The following GPAT4 variants were observed in gnomAD, a reference collection of about 807,000 sequenced individuals.
GPAT4 encodes the protein glycerol-3-phosphate acyltransferase 4.
GPAT4 carries 17 observed loss-of-function variants against 58.0 expected under a neutral mutation model. The ratio of observed to expected loss-of-function variants is 0.29; its 90% confidence interval spans 0.20 to 0.44. GPAT4 has a LOEUF of 0.44. GPAT4 is among the 20% of genes least tolerant of loss of function. The probability of loss-of-function intolerance (pLI) is 1.00; values close to 1 mark genes in which losing one functional copy is unlikely to be tolerated. For synonymous variants in GPAT4, 204 were observed against 210.1 expected (o/e 0.97, Z 0.25); for missense variants, 377 against 574.5 (o/e 0.66, Z 3.51).
At chr8:41,595,144 AGAATTG>A (rs1020681032) in intron 1 of GPAT4, among the ~76,000 whole-genome samples, 2 of 149,720 alleles carry the variant, frequency 1.3e-5, no homozygotes, top group African/African-American at 4.9e-5. Context: ...AAATTAACTT[AGAATTG>A]GTATAGTTTT....
chr8:41,613,985 C>T (rs2150504355), intron 8 of GPAT4, among the ~76,000 whole-genome samples: 1 of 152,354 alleles, frequency 6.6e-6, no homozygotes, highest in East Asian at 1.9e-4. Context: ...TCCCCTAACT[C>T]CCTTTGCTAC....
At chr8:41,611,758 A>G (rs1190523780) in intron 5 of GPAT4, 145 bp from the exon 6 acceptor site, 4 of 647,302 alleles carry the variant, frequency 6.2e-6, no homozygotes, top group Admixed American at 5.4e-5. Flanking sequence ...AAAGGTGCTC[A>G]TGCATCACAG....
chr8:41,590,666 C>A (rs191631133), intron 1 of GPAT4, among the ~76,000 whole-genome samples: 33 of 152,274 alleles, frequency 2.2e-4, no homozygotes, highest in Non-Finnish European at 5.9e-5. Flanking sequence ...TGTTAGCAAT[C>A]GCAGTGACAG....
In GPAT4 at chr8:41,611,931, C is replaced by T; in HGVS notation, c.640C>T (p.His214Tyr). 1 of 1,614,164 alleles carries T rather than the reference C, an allele frequency of 6.2e-7. No individual in the cohort carries two copies. The highest frequency in any genetic ancestry group is 2.2e-5 in the East Asian group (1 of 44,890). ...TAAGGAGTTCATGAGTAAACATGTT[C>T]ACTTAATGTGTTACCGGATCTGCGT... The part of the protein sequence containing the change: ...RFKEFMSKHV[H>Y]LMCYRICVRA... The change falls in exon 6 of 13, where the codon CAC (histidine) becomes TAC (tyrosine). Residue 214 changes from histidine to tyrosine, a missense_variant. Physicochemically the swap from His to Tyr is moderately conservative, Grantham distance 83. Coordinates refer to ENST00000396987, the MANE Select transcript of GPAT4 (RefSeq NM_178819.4).
rs148512587 is a variant in GPAT4, at chr8:41,593,011, C to G, written c.-848-5281C>G. On this transcript the variant is annotated intron_variant, in intron 1 of 12. Transcript: ENST00000396987. ...AGACTAGTATCCACATTCATTTCCA[C>G]ACAGTCCTAATTCATAACAAATATA... is the stretch of plus-strand genomic sequence containing the variant. Among the ~76,000 whole-genome samples, 153 of 152,314 alleles carry G rather than the reference C, an allele frequency of 1.0e-3. 2 individuals carry two copies. The highest frequency in any genetic ancestry group is 3.3e-3 in the African/African-American group (138 of 41,562).
Position 41,621,080 on chromosome 8 carries a change from G to A in GPAT4, c.*79G>A. On this transcript the variant is annotated 3_prime_UTR_variant, in exon 13 of 13. Coordinates refer to ENST00000396987, the MANE Select transcript of GPAT4 (RefSeq NM_178819.4). ...TGGAGTTGCCGCCGCCGCCCCCACTGCTGTGTCCTTTCCAGACTCCAGGGC... is the reference window on the plus strand; with the variant it reads ...TGGAGTTGCCGCCGCCGCCCCCACTACTGTGTCCTTTCCAGACTCCAGGGC... The A allele has an allele frequency of 6.5e-7, 1 of 1,530,750 alleles. No homozygotes were observed. The allele number at this position is 1,530,750 out of a possible 1,614,324, so 94.8% of individuals were successfully genotyped here.
chr8:41,602,524 CCCTCTG>C (rs1803132932), intron 2 of GPAT4, among the ~76,000 whole-genome samples: 1 of 151,962 alleles, frequency 6.6e-6, no homozygotes, highest in Non-Finnish European at 1.5e-5. Context: ...TCTTTTTTCA[CCCTCTG>C]TTACTGCTCT....
At position 41,599,020 on chromosome 8, in the gene GPAT4, G is replaced by A. The variant is rs1011697621; in HGVS notation, c.-120G>A. Reference sequence around the variant, plus strand: ...TTGAAGGGTGTGGACTTTGGAATGGGGTTTGCTGTTCTTCGGGAACTTGCT... The same window carrying A: ...TTGAAGGGTGTGGACTTTGGAATGGAGTTTGCTGTTCTTCGGGAACTTGCT... On this transcript the variant is annotated 5_prime_UTR_variant, in exon 2 of 13. Transcript: ENST00000396987. 17 of 1,320,144 alleles carry A rather than the reference G, an allele frequency of 1.3e-5. No homozygotes were observed. Among genetic ancestry groups the A allele is most frequent in the Middle Eastern group, 2.7e-4 (1 of 3,656 alleles). 81.8% of individuals were successfully genotyped at this position (1,320,144 alleles called of 1,614,324 possible).
intron 8 of GPAT4, 63 bp downstream of exon 8, chr8:41,613,023 G>T: frequency 4.2e-6 from 6 of 1,418,524 alleles, no homozygotes; most frequent in Non-Finnish European, 5.9e-6. Context: ...TTTCAGGGTA[G>T]TTATCCCTCC....
chr8:41,583,047 AC>A (rs1043475545), intron 1 of GPAT4, among the ~76,000 whole-genome samples: 1 of 151,558 alleles, frequency 6.6e-6, no homozygotes, highest in Admixed American at 6.6e-5. Flanking sequence ...ACATGATGAA[AC>A]CCCTTCTCCA....
At chr8:41,588,135 A>T (rs1404177125) in intron 1 of GPAT4, among the ~76,000 whole-genome samples, 1 of 152,232 alleles carries the variant, frequency 6.6e-6, no homozygotes, top group East Asian at 1.9e-4. Flanking sequence ...TCTGATTCTA[A>T]TGAAATGATA....
rs1276633773 is a variant in GPAT4 at position 41,614,425 on chromosome 8, C to T, written c.951C>T (p.Ile317=). 11 of 1,614,000 alleles carry T rather than the reference C, an allele frequency of 6.8e-6. No homozygotes were observed. Among genetic ancestry groups the T allele is most frequent in the Non-Finnish European group, 6.8e-6 (8 of 1,180,022 alleles). ...EHVQDKSKLP[I]LIFPEGTCIN... ...TGCAAGATAAAAGCAAGCTGCCTAT[C>T]CTCATCTTCCCAGAAGGTAAGAAGG... Residue 317 remains isoleucine (I), a synonymous_variant, in exon 9 of 13, where the codon ATC becomes ATT. Transcript: ENST00000396987.
intron 1 of GPAT4, among the ~76,000 whole-genome samples, chr8:41,591,794 A>G (rs1218009223): frequency 6.6e-6 from 1 of 152,204 alleles, no homozygotes; most frequent in Non-Finnish European, 1.5e-5. Context: ...CTGGCCCTTG[A>G]TCATCTATGT....
At chr8:41,591,398 A>C (rs894662909) in intron 1 of GPAT4, among the ~76,000 whole-genome samples, 10 of 152,174 alleles carry the variant, frequency 6.6e-5, no homozygotes, top group African/African-American at 2.4e-4. Flanking sequence ...TCCTCCCTTA[A>C]AACATTGCGC....
At chr8:41,582,428 ATAGGGTGGGAAAGT>A (rs1802540570) in intron 1 of GPAT4, among the ~76,000 whole-genome samples, 1 of 148,066 alleles carries the variant, frequency 6.8e-6, no homozygotes, top group African/African-American at 2.5e-5. Context: ...CCTTGGAGAA[ATAGGGTGGGAAAGT>A]ATACACACAC....
Position 41,609,422 on chromosome 8 carries a change from A to G in GPAT4, c.172A>G (p.Thr58Ala). The change falls in exon 3 of 13, where the codon ACC becomes GCC. Residue 58 changes from threonine to alanine, a missense_variant. Coordinates refer to ENST00000396987, the MANE Select transcript of GPAT4 (RefSeq NM_178819.4). Reference protein sequence around the residue: ...KSLLKIFAWATLRMERGAKEK... With the variant: ...KSLLKIFAWAALRMERGAKEK... ...TGCTTCCTTCCCCTCCCAGTGGGCT[A>G]CCTTGAGAATGGAGCGAGGAGCCAA... 6.2e-7 allele frequency: 1 copy of G among 1,614,084 alleles called. No homozygotes were observed. Among genetic ancestry groups the G allele is most frequent in the Non-Finnish European group, 8.5e-7 (1 of 1,179,984 alleles).
intron 10 of GPAT4, among the ~76,000 whole-genome samples, chr8:41,616,494 C>T (rs555387615): frequency 2.8e-4 from 43 of 152,268 alleles, no homozygotes; most frequent in African/African-American, 9.6e-4. Flanking sequence ...GGAGTTTCCC[C>T]GCGTTGCTCA....
intron 1 of GPAT4, among the ~76,000 whole-genome samples, chr8:41,583,924 T>G (rs979100951): frequency 2.0e-5 from 3 of 152,276 alleles, no homozygotes; most frequent in African/African-American, 7.2e-5. Context: ...TAAGACAGGG[T>G]CTTGCTCTGT....
intron 10 of GPAT4, 108 bp downstream of exon 10, chr8:41,615,156 C>A: frequency 2.0e-6 from 2 of 990,128 alleles, no homozygotes; most frequent in Non-Finnish European, 3.1e-6. Context: ...GTGGTCGATG[C>A]CCTCAGCAGA....
Sources: allele counts gnomAD v4.1 joint callset (sites outside exome capture counted in the v4.1 genomes callset), GRCh38; gene constraint gnomAD v4.1.1; transcripts MANE v1.5; gene names NCBI Gene and HGNC (gene_info 2026-07-23, HGNC 2026-07-21).